EXOC4: variants seen among roughly 807,000 people sequenced by gnomAD.
EXOC4 encodes exocyst complex component 4, also known as SEC8-like 1.
A neutral mutation model predicts 107.2 loss-of-function variants in EXOC4; 71 were observed. The ratio of observed to expected loss-of-function variants is 0.66; its 90% CI spans 0.55 to 0.81. EXOC4 has a LOEUF of 0.81. Among genes scored for constraint, EXOC4 ranks in the 30% least tolerant of loss-of-function variants. EXOC4 has a pLI of 0.00. For missense variants in EXOC4, 1,108 were observed against 1,189.6 expected, an observed-to-expected ratio of 0.93 and a Z score of 1.01; for synonymous variants, 456 against 441.2, an observed-to-expected ratio of 1.03 and a Z score of -0.42.
chr7:133,756,496 G>T (rs966169104), intron 10 of EXOC4, among the ~76,000 whole-genome samples: 1 of 152,170 alleles, frequency 6.6e-6, no homozygotes, highest in South Asian at 2.1e-4. Context: ...TACTCTGAAT[G>T]TTATAATCCT....
At chr7:133,389,570 CAAAAAAAAAAA>C (rs1202921998) in intron 7 of EXOC4, among the ~76,000 whole-genome samples, 1 of 16,390 alleles carries the variant, frequency 6.1e-5, no homozygotes, top group African/African-American at 2.8e-4. Flanking sequence ...TGAAACTCCT[CAAAAAAAAAAA>C]AAAAAAAAAA....
chr7:133,267,624 G>T (rs1024062301), intron 1 of EXOC4, among the ~76,000 whole-genome samples: 4 of 152,172 alleles, frequency 2.6e-5, no homozygotes, highest in African/African-American at 9.7e-5. Flanking sequence ...CTTCATGAGG[G>T]AGGGATTGGT....
At chr7:134,037,954 TTTTTTCAAAA>T (rs1795429095) in intron 17 of EXOC4, among the ~76,000 whole-genome samples, 1 of 151,104 alleles carries the variant, frequency 6.6e-6, no homozygotes, top group South Asian at 2.1e-4. Context: ...TCCCGGGGAG[TTTTTTCAAAA>T]TGCCTAGAAC....
intron 10 of EXOC4, among the ~76,000 whole-genome samples, chr7:133,757,744 C>T (rs748203927): frequency 5.3e-5 from 8 of 152,194 alleles, no homozygotes; most frequent in South Asian, 2.1e-4. Flanking sequence ...GCCCTGAGTG[C>T]TATTCATATG....
intron 9 of EXOC4, among the ~76,000 whole-genome samples, chr7:133,605,195 G>C (rs10224631): frequency 6.6e-6 from 1 of 152,138 alleles, no homozygotes; most frequent in African/African-American, 2.4e-5. Flanking sequence ...TGTTTTCTTA[G>C]TACACACTAT....
At chr7:133,660,846 G>A (rs930709624) in intron 10 of EXOC4, among the ~76,000 whole-genome samples, 2 of 152,150 alleles carry the variant, frequency 1.3e-5, no homozygotes, top group Non-Finnish European at 2.9e-5. Flanking sequence ...ACACTGCCTG[G>A]AGGGAGAGAA....
At chr7:133,271,735 T>C (rs1793875639) in intron 1 of EXOC4, among the ~76,000 whole-genome samples, 1 of 152,214 alleles carries the variant, frequency 6.6e-6, no homozygotes, top group Non-Finnish European at 1.5e-5. Flanking sequence ...ATGCTGCGCT[T>C]ACGCCGCTTG....
chr7:133,317,613 G>A (rs1563015697), intron 5 of EXOC4, among the ~76,000 whole-genome samples: 1 of 152,186 alleles, frequency 6.6e-6, no homozygotes, highest in Non-Finnish European at 1.5e-5. Flanking sequence ...AGTGGCAGCT[G>A]AACCTGGCCT....
intron 5 of EXOC4, among the ~76,000 whole-genome samples, chr7:133,322,830 A>C (rs568460593): frequency 6.6e-6 from 1 of 152,150 alleles, no homozygotes; most frequent in Non-Finnish European, 1.5e-5. Context: ...TTTTCACGAC[A>C]TTGATTCTTC....
At chr7:133,476,040 C>G (rs1266229841) in intron 8 of EXOC4, among the ~76,000 whole-genome samples, 1 of 151,988 alleles carries the variant, frequency 6.6e-6, no homozygotes, top group East Asian at 1.9e-4. Flanking sequence ...ACAACAGGTA[C>G]CACTGATTAA....
chr7:133,291,776 A>T (rs1397025328), intron 3 of EXOC4, among the ~76,000 whole-genome samples: 2 of 152,002 alleles, frequency 1.3e-5, no homozygotes, highest in Admixed American at 1.3e-4. Flanking sequence ...TCGAAAGTCC[A>T]TTTTTATATA....
At chr7:133,581,629 G>A (rs1468902144) in intron 9 of EXOC4, among the ~76,000 whole-genome samples, 2 of 151,322 alleles carry the variant, frequency 1.3e-5, no homozygotes, top group South Asian at 2.1e-4. Context: ...GTGGTGGTGG[G>A]CGCCTGTAAT....
intron 13 of EXOC4, among the ~76,000 whole-genome samples, chr7:133,926,181 A>G (rs774315293): frequency 1.3e-5 from 2 of 152,126 alleles, no homozygotes; most frequent in Non-Finnish European, 2.9e-5. Context: ...TACTCAACAT[A>G]TGAGGAAACT....
chr7:133,450,310 G>A (rs1273178213), intron 7 of EXOC4, among the ~76,000 whole-genome samples: 1 of 152,012 alleles, frequency 6.6e-6, no homozygotes, highest in Non-Finnish European at 1.5e-5. Flanking sequence ...GACTACAGGG[G>A]TGTGTCACCA....
At chr7:133,763,252 G>C (rs189210425) in intron 10 of EXOC4, among the ~76,000 whole-genome samples, 1 of 152,068 alleles carries the variant, frequency 6.6e-6, no homozygotes, top group Non-Finnish European at 1.5e-5. Flanking sequence ...ACCAATGGTC[G>C]TTGGATTTCT....
At chr7:133,600,719 C>G (rs1275004905) in intron 9 of EXOC4, among the ~76,000 whole-genome samples, 1 of 152,186 alleles carries the variant, frequency 6.6e-6, no homozygotes, top group African/African-American at 2.4e-5. Flanking sequence ...AGCTTTACAA[C>G]TTGCCATCTT....
intron 6 of EXOC4, among the ~76,000 whole-genome samples, chr7:133,370,170 T>C (rs1336275316): frequency 8.7e-6 from 1 of 114,496 alleles, no homozygotes; most frequent in African/African-American, 3.4e-5. Context: ...AACCAAAGAG[T>C]ATCTGAGACA....
intron 10 of EXOC4, among the ~76,000 whole-genome samples, chr7:133,759,005 C>T (rs2151148527): frequency 6.6e-6 from 1 of 152,260 alleles, no homozygotes; most frequent in South Asian, 2.1e-4. Flanking sequence ...AGAGGGACCA[C>T]TATCATGTGG....
intron 7 of EXOC4, among the ~76,000 whole-genome samples, chr7:133,388,760 A>C (rs2150712544): frequency 6.6e-6 from 1 of 152,346 alleles, no homozygotes; most frequent in Non-Finnish European, 1.5e-5. Context: ...TTTTGTTTGA[A>C]TCAGGATCCA....
Sources: gnomAD v4.1 joint callset for allele counts (sites outside exome capture counted in the v4.1 genomes callset) on GRCh38, gnomAD v4.1.1 for gene constraint, MANE v1.5 for transcripts, NCBI Gene and HGNC (gene_info 2026-07-23, HGNC 2026-07-21) for gene names.